Variants in ASIP observed in about 807,000 individuals in gnomAD.
The protein encoded by ASIP is agouti-signaling protein.
In ASIP, 11 loss-of-function variants were observed where a neutral mutation model predicts 10.3. That is an observed-to-expected ratio of 1.07 (90% CI 0.68 to 1.78). The LOEUF is 1.78. ASIP is among the 40% of genes most tolerant of loss of function. The pLI, the probability that ASIP is intolerant of heterozygous loss-of-function variation, is 0.00. For missense variants in ASIP, 180 were observed against 169.2 expected, an observed-to-expected ratio of 1.06 and a Z score of -0.35; for synonymous variants, 70 against 70.8, an observed-to-expected ratio of 0.99 and a Z score of 0.06.
rs777607610 is a variant in ASIP at position 34,241,429 on chromosome 20, T to C, written c.-71T>C. On this transcript the variant is annotated 5_prime_UTR_variant, in exon 1 of 4. Transcript: ENST00000374954. The stretch of plus-strand genomic sequence containing the variant: ...AAGTTATAGATGAGCAAGCAGCAAA[T>C]CTCTACAGCTGCAAGGTGAAAAAGG... The C allele has an allele frequency of 5.3e-5, 52 of 984,852 alleles. No individual in the cohort carries two copies. Among genetic ancestry groups the C allele is most frequent in the Non-Finnish European group, 6.1e-5 (51 of 829,522 alleles). 61.0% of individuals were successfully genotyped at this position (984,852 alleles called of 1,614,324 possible).
intron 1 of ASIP, among the ~76,000 whole-genome samples, chr20:34,223,161 G>C (rs1228648810): frequency 1.3e-5 from 2 of 151,750 alleles, no homozygotes; most frequent in Admixed American, 1.3e-4. Context: ...CCTCCTGGCC[G>C]CCATCCCATC....
chr20:34,248,311 A>T (rs2035414627), intron 1 of ASIP, among the ~76,000 whole-genome samples: 2 of 152,172 alleles, frequency 1.3e-5, no homozygotes, highest in South Asian at 4.1e-4. Flanking sequence ...AACTTTGGGG[A>T]AAAACATTCT....
At chr20:34,255,863 C>T (rs1274799474) in intron 1 of ASIP, among the ~76,000 whole-genome samples, 1 of 152,106 alleles carries the variant, frequency 6.6e-6, no homozygotes, top group African/African-American at 2.4e-5. Context: ...GGGAAGGCAC[C>T]GGTTACTTAG....
rs2035846407 is a variant in ASIP at position 34,269,246 on chromosome 20, C to A, written c.*79C>A. 2.1e-6 allele frequency: 3 copies of A among 1,418,594 alleles called. No homozygotes were observed. The highest frequency in any genetic ancestry group is 9.2e-7 in the Non-Finnish European group (1 of 1,090,736). The allele number at this position is 1,418,594 out of a possible 1,614,324, so 87.9% of individuals were successfully genotyped here. A position where few individuals can be genotyped will look rare whatever the true frequency, so the allele number is the denominator to read the frequency against. The stretch of plus-strand genomic sequence containing the variant: ...CTCGGGCGGGTGATCCCTAACAGGG[C>A]GGCTTCCCAGGGCTGCAGGCGGGCG... On this transcript the variant is annotated 3_prime_UTR_variant, in exon 4 of 4. Coordinates refer to ENST00000374954, the MANE Select transcript of ASIP (RefSeq NM_001672.3).
At chr20:34,249,824 T>C (rs964050039) in intron 1 of ASIP, among the ~76,000 whole-genome samples, 3 of 152,234 alleles carry the variant, frequency 2.0e-5, no homozygotes, top group Admixed American at 2.0e-4. Context: ...GAACCCATTA[T>C]GGACCCAGAG....
At chr20:34,267,942 A>T (rs150009472) in intron 3 of ASIP, among the ~76,000 whole-genome samples, 1,706 of 135,876 alleles carry the variant, frequency 0.013, 18 homozygotes, top group Middle Eastern at 0.028. Flanking sequence ...AAGTTATTGA[A>T]ATAATTTATT....
chr20:34,186,630 A>G, the ASIP span, among the ~76,000 whole-genome samples: 2 of 152,116 alleles, frequency 1.3e-5, no homozygotes, highest in East Asian at 1.9e-4. Flanking sequence ...CAAGGATGTC[A>G]TCACCAAAGC....
intron 1 of ASIP, among the ~76,000 whole-genome samples, chr20:34,205,739 T>G (rs1309901444): frequency 1.3e-5 from 2 of 151,244 alleles, no homozygotes; most frequent in Non-Finnish European, 2.9e-5. Flanking sequence ...ATCCTTTAGC[T>G]AGACACAGAG....
intron 1 of ASIP, among the ~76,000 whole-genome samples, chr20:34,245,449 C>T (rs1354927080): frequency 1.3e-5 from 2 of 150,880 alleles, no homozygotes; most frequent in South Asian, 2.1e-4. Flanking sequence ...AGTGCAATGG[C>T]AGATCTCGGC....
At chr20:34,223,361 C>G (rs571464144) in intron 1 of ASIP, among the ~76,000 whole-genome samples, 2 of 151,154 alleles carry the variant, frequency 1.3e-5, no homozygotes, top group South Asian at 4.2e-4. Flanking sequence ...CCAGCCGCCC[C>G]GTCTGAGAAG....
intron 1 of ASIP, among the ~76,000 whole-genome samples, chr20:34,223,509 C>A (rs1260576575): frequency 5.1e-4 from 78 of 151,580 alleles, no homozygotes; most frequent in Non-Finnish European, 9.6e-4. Flanking sequence ...GGGGTCAGCC[C>A]CCCCGCCCGG....
intron 1 of ASIP, chr20:34,214,279 C>A: frequency 7.1e-7 from 1 of 1,405,308 alleles, no homozygotes; most frequent in Non-Finnish European, 1.0e-6. Flanking sequence ...CCTCTGTGAT[C>A]TAAGAAAGCC....
intron 1 of ASIP, among the ~76,000 whole-genome samples, chr20:34,259,069 G>C (rs2035643481): frequency 6.6e-6 from 1 of 150,984 alleles, no homozygotes; most frequent in African/African-American, 2.4e-5. Context: ...AATTAGCCAG[G>C]TGTGTTTGCA....
At chr20:34,250,498 T>A (rs2122630863) in intron 1 of ASIP, among the ~76,000 whole-genome samples, 1 of 151,994 alleles carries the variant, frequency 6.6e-6, no homozygotes, top group Non-Finnish European at 1.5e-5. Flanking sequence ...TGAGATCACA[T>A]CTCAAAAAAA....
chr20:34,248,988 G>T (rs1023046878), intron 1 of ASIP, among the ~76,000 whole-genome samples: 1 of 151,590 alleles, frequency 6.6e-6, no homozygotes, highest in Non-Finnish European at 1.5e-5. Context: ...AATTAGCCAG[G>T]TGTGGTGGCA....
chr20:34,245,132 G>A (rs189513036), intron 1 of ASIP, among the ~76,000 whole-genome samples: 2 of 151,898 alleles, frequency 1.3e-5, no homozygotes, highest in Non-Finnish European at 2.9e-5. Context: ...TCAGGAGTTC[G>A]AGACCAGCCT....
intron 1 of ASIP, among the ~76,000 whole-genome samples, chr20:34,226,892 A>G (rs921226528): frequency 6.6e-6 from 1 of 152,168 alleles, no homozygotes; most frequent in Non-Finnish European, 1.5e-5. Context: ...ACCTGGCCCC[A>G]TACTTGATTA....
intron 1 of ASIP, among the ~76,000 whole-genome samples, chr20:34,202,267 G>T (rs894288276): frequency 6.6e-6 from 1 of 152,088 alleles, no homozygotes. Context: ...GCTACTGAGC[G>T]CTTGAAATAG....
At chr20:34,206,420 C>T (rs548812799) in intron 1 of ASIP, among the ~76,000 whole-genome samples, 71 of 152,284 alleles carry the variant, frequency 4.7e-4, no homozygotes, top group East Asian at 9.6e-4. Context: ...TTTAACTCCA[C>T]GTGAGTAAGA....
Sources: gnomAD v4.1 joint callset for allele counts (sites outside exome capture counted in the v4.1 genomes callset) on GRCh38, gnomAD v4.1.1 for gene constraint, MANE v1.5 for transcripts, NCBI Gene and HGNC (gene_info 2026-07-23, HGNC 2026-07-21) for gene names.